CERS3: variants seen among roughly 807,000 people sequenced by gnomAD.
CERS3 encodes the protein LAG1 homolog, ceramide synthase 3.
A neutral mutation model predicts 50.3 loss-of-function variants in CERS3; 33 were observed. The ratio of observed to expected loss-of-function variants is 0.66; its 90% CI spans 0.50 to 0.88. The LOEUF (loss-of-function observed/expected upper bound fraction) is 0.88, where lower values mean the gene tolerates loss of function less well. Among genes scored for constraint, CERS3 ranks in the 40% least tolerant of loss-of-function variants. The pLI is 0.00. For missense variants in CERS3, 470 were observed against 460.3 expected (o/e 1.02, Z -0.19); for synonymous variants, 176 against 155.2 (o/e 1.13, Z -0.99).
chr15:100,445,774 T>A (rs2033909125), intron 11 of CERS3, among the ~76,000 whole-genome samples: 1 of 152,194 alleles, frequency 6.6e-6, no homozygotes, highest in African/African-American at 2.4e-5. Flanking sequence ...TCATTTTATT[T>A]TTCTTATTAA....
intron 11 of CERS3, among the ~76,000 whole-genome samples, chr15:100,439,837 G>C (rs1050917440): frequency 2.6e-5 from 4 of 152,148 alleles, no homozygotes; most frequent in Non-Finnish European, 5.9e-5. Context: ...TGGCTGTGGG[G>C]GCCTCCACAA....
chr15:100,483,082 T>G (rs1432417357), intron 5 of CERS3, among the ~76,000 whole-genome samples: 2 of 152,244 alleles, frequency 1.3e-5, no homozygotes, highest in Non-Finnish European at 2.9e-5. Context: ...TTGAAAATAC[T>G]GCCTCAAACC....
At position 100,483,781 on chromosome 15, in the gene CERS3, A is replaced by ATTTT. The variant is rs1267906519; in HGVS notation, c.407+768_407+769insAAAA. Among the ~76,000 whole-genome samples the ATTTT allele has an allele frequency of 1.7e-3, 134 of 77,592 alleles. 11 individuals are homozygous for ATTTT. The highest frequency in any genetic ancestry group is 5.5e-3 in the African/African-American group (96 of 17,506). 50.9% of individuals were successfully genotyped at this position (77,592 alleles called of 152,430 possible). ...AGGATCAATAATAATAATAATTATT[A>ATTTT]TTATTATTTTTTTTTTTGAGACAGA... On this transcript the variant is annotated intron_variant, in intron 5 of 11. Coordinates refer to ENST00000679737, the MANE Select transcript of CERS3 (RefSeq NM_001378789.1).
chr15:100,471,255 G>A (rs77772067), intron 9 of CERS3, among the ~76,000 whole-genome samples: 1 of 151,676 alleles, frequency 6.6e-6, no homozygotes, highest in African/African-American at 2.4e-5. Context: ...TTTAACCTAA[G>A]GACCTCAGAA....
At chr15:100,495,678 A>C (rs1345324691) in intron 3 of CERS3, among the ~76,000 whole-genome samples, 1 of 152,114 alleles carries the variant, frequency 6.6e-6, no homozygotes, top group Non-Finnish European at 1.5e-5. Flanking sequence ...TTCTGAATTT[A>C]AGTCCTTTAT....
chr15:100,502,607 G>A (rs1381962009), intron 2 of CERS3, among the ~76,000 whole-genome samples: 3 of 152,306 alleles, frequency 2.0e-5, no homozygotes, highest in Middle Eastern at 3.4e-3. Flanking sequence ...TAAGGGGCAG[G>A]CACGTTTCAC....
chr15:100,427,364 A>G (rs1312767788), intron 11 of CERS3, among the ~76,000 whole-genome samples: 1 of 152,226 alleles, frequency 6.6e-6, no homozygotes, highest in Admixed American at 6.5e-5. Flanking sequence ...GTTCTTAGGC[A>G]ATGCCAATCT....
intron 11 of CERS3, among the ~76,000 whole-genome samples, chr15:100,433,786 T>C (rs1407239118): frequency 2.6e-5 from 4 of 152,146 alleles, no homozygotes; most frequent in Non-Finnish European, 5.9e-5. Flanking sequence ...CAGGAACAAA[T>C]AGCAACAGAA....
chr15:100,511,572 T>C (rs62037077), intron 2 of CERS3, among the ~76,000 whole-genome samples: 54,907 of 62,296 alleles, frequency 0.88, 25,158 homozygotes, highest in Non-Finnish European at 0.95. Flanking sequence ...CGTAAGTCCA[T>C]TGGGAGCCTG....
At chr15:100,466,777 C>T (rs867047529) in intron 10 of CERS3, among the ~76,000 whole-genome samples, 940 of 27,536 alleles carry the variant, frequency 0.034, 24 homozygotes, top group Middle Eastern at 0.1. Context: ...TCCTTCCTTC[C>T]TTCCTTCCTT....
At chr15:100,442,293 A>C (rs1490177905) in intron 11 of CERS3, among the ~76,000 whole-genome samples, 2 of 152,174 alleles carry the variant, frequency 1.3e-5, no homozygotes, top group Non-Finnish European at 2.9e-5. Flanking sequence ...TATAAATTTT[A>C]TTACCCAATC....
intron 10 of CERS3, among the ~76,000 whole-genome samples, chr15:100,466,922 C>T (rs112839957): frequency 0.018 from 2,698 of 150,854 alleles, 33 homozygotes; most frequent in East Asian, 0.033. Context: ...GGCACAATCT[C>T]GGCTCACTGC....
chr15:100,487,552 C>G (rs943656527), intron 4 of CERS3, among the ~76,000 whole-genome samples: 2 of 152,182 alleles, frequency 1.3e-5, no homozygotes, highest in Non-Finnish European at 2.9e-5. Context: ...TCTACACTAC[C>G]TATTGCTGTG....
chr15:100,506,466 C>T (rs60013223), intron 2 of CERS3, among the ~76,000 whole-genome samples: 1,208 of 15,504 alleles, frequency 0.078, 40 homozygotes, highest in African/African-American at 0.14. Context: ...TCGGGACCCC[C>T]CCGCCGCCCC....
At chr15:100,440,020 C>T (rs2033609837) in intron 11 of CERS3, among the ~76,000 whole-genome samples, 1 of 152,176 alleles carries the variant, frequency 6.6e-6, no homozygotes, top group South Asian at 2.1e-4. Flanking sequence ...GTTTTCCAAG[C>T]TTCACTCCCC....
chr15:100,499,420 A>C (rs1215421079), intron 3 of CERS3, among the ~76,000 whole-genome samples: 2 of 152,252 alleles, frequency 1.3e-5, no homozygotes, highest in Non-Finnish European at 1.5e-5. Context: ...ACTTTCAAGG[A>C]AAGAAAATCT....
chr15:100,484,331 C>T (rs150357676), intron 5 of CERS3, among the ~76,000 whole-genome samples: 316 of 152,236 alleles, frequency 2.1e-3, no homozygotes, highest in Admixed American at 2.9e-3. Flanking sequence ...TATTCTGGTT[C>T]GGGAGGCCCG....
intron 2 of CERS3, among the ~76,000 whole-genome samples, chr15:100,507,596 G>A (rs2036221995): frequency 6.6e-6 from 1 of 152,218 alleles, no homozygotes; most frequent in South Asian, 2.1e-4. Context: ...TACTGGACAT[G>A]TCATTTTGGA....
chr15:100,466,826 T>TCC (rs371457441), intron 10 of CERS3, among the ~76,000 whole-genome samples: 2 of 19,274 alleles, frequency 1.0e-4, no homozygotes, highest in Admixed American at 8.7e-4. Flanking sequence ...CCTCTCTCCC[T>TCC]CTCTCCCTCT....
Sources: allele counts gnomAD v4.1 joint callset (sites outside exome capture counted in the v4.1 genomes callset), GRCh38; gene constraint gnomAD v4.1.1; transcripts MANE v1.5; gene names NCBI Gene and HGNC (gene_info 2026-07-23, HGNC 2026-07-21).